The following SORCS1 variants were observed in gnomAD, a reference collection of about 807,000 sequenced individuals.
The protein encoded by SORCS1 is VPS10 domain-containing receptor SorCS1.
SORCS1 carries 60 observed loss-of-function variants against 146.1 expected under a neutral mutation model. The observed-to-expected ratio is 0.41, with a 90% confidence interval of 0.33 to 0.51. SORCS1 has a LOEUF of 0.51. Ranked by LOEUF, SORCS1 falls within the 20% of genes least tolerant of loss-of-function variation. The pLI is 0.21. For synonymous variants in SORCS1, 637 were observed against 584.0 expected (o/e 1.09, Z -1.31); for missense variants, 1,352 against 1,487.6 (o/e 0.91, Z 1.50).
At chr10:106,901,357 T>G (rs1413482254) in intron 2 of SORCS1, among the ~76,000 whole-genome samples, 1 of 152,238 alleles carries the variant, frequency 6.6e-6, no homozygotes, top group African/African-American at 2.4e-5. Context: ...GACAGAAATT[T>G]ATCTACAACA....
chr10:107,002,411 G>A (rs1034448248), intron 1 of SORCS1, among the ~76,000 whole-genome samples: 5 of 152,144 alleles, frequency 3.3e-5, no homozygotes, highest in African/African-American at 1.2e-4. Context: ...GCTCCTACCT[G>A]AGACTAATTT....
Position 106,577,054 on chromosome 10 carries a change from G to T in SORCS1, c.*366C>A, listed in dbSNP as rs576099672. 9.0e-6 allele frequency: 4 copies of T among 446,566 alleles called. No homozygotes were observed. Among genetic ancestry groups the T allele is most frequent in the South Asian group, 8.3e-5 (4 of 48,362 alleles). The allele number at this position is 446,566 out of a possible 1,614,324, so 27.7% of individuals were successfully genotyped here. A position where few individuals can be genotyped will look rare whatever the true frequency, so the allele number is the denominator to read the frequency against. Reference sequence around the variant, plus strand: ...CTGCCCCTCCAGACATGTTCTCAGAGTATTGTCCACATGCACAGGCTTAAA... The same window carrying T: ...CTGCCCCTCCAGACATGTTCTCAGATTATTGTCCACATGCACAGGCTTAAA... On this transcript the variant is annotated 3_prime_UTR_variant, in exon 26 of 26. Transcript: ENST00000263054.
At chr10:106,587,163 A>C (rs1392390100) in intron 24 of SORCS1, among the ~76,000 whole-genome samples, 1 of 152,218 alleles carries the variant, frequency 6.6e-6, no homozygotes, top group Non-Finnish European at 1.5e-5. Flanking sequence ...AAGATAAAAA[A>C]TATATTTATT....
chr10:106,796,521 T>A (rs1403138507), intron 3 of SORCS1, among the ~76,000 whole-genome samples: 1 of 152,216 alleles, frequency 6.6e-6, no homozygotes, highest in African/African-American at 2.4e-5. Context: ...ATGATACTTA[T>A]AAGATTATAT....
At chr10:107,023,945 G>A in intron 1 of SORCS1, among the ~76,000 whole-genome samples, 1 of 152,144 alleles carries the variant, frequency 6.6e-6, no homozygotes, top group South Asian at 2.1e-4. Flanking sequence ...ATAAAGAGAG[G>A]TTCAGGTCAT....
chr10:106,888,366 C>A (rs1287627277), intron 2 of SORCS1, among the ~76,000 whole-genome samples: 2 of 152,046 alleles, frequency 1.3e-5, no homozygotes, highest in African/African-American at 2.4e-5. Flanking sequence ...GTGCCTTTAA[C>A]ATTTTTTTCA....
intron 3 of SORCS1, among the ~76,000 whole-genome samples, chr10:106,822,703 T>TAAGGA (rs948145608): frequency 1.3e-4 from 20 of 151,466 alleles, no homozygotes; most frequent in Admixed American, 7.2e-4. Flanking sequence ...TGTAGGGAAG[T>TAAGGA]AAGGATTTAC....
At chr10:107,110,665 C>G (rs916928012) in intron 1 of SORCS1, among the ~76,000 whole-genome samples, 1 of 141,376 alleles carries the variant, frequency 7.1e-6, no homozygotes, top group Non-Finnish European at 1.5e-5. Flanking sequence ...TACAATTCAA[C>G]GTGAGATTTC....
At chr10:106,671,429 T>G (rs1487644171) in intron 15 of SORCS1, 62 bp from the exon 16 acceptor site, 1 of 1,602,038 alleles carries the variant, frequency 6.2e-7, no homozygotes, top group Non-Finnish European at 8.5e-7. Flanking sequence ...CTGCTCCACA[T>G]GAGTGACATT....
At chr10:106,906,891 G>A (rs1344394053) in intron 2 of SORCS1, among the ~76,000 whole-genome samples, 1 of 152,180 alleles carries the variant, frequency 6.6e-6, no homozygotes, top group Non-Finnish European at 1.5e-5. Context: ...ACTTGGTTGA[G>A]GAAATGTGCC....
intron 1 of SORCS1, among the ~76,000 whole-genome samples, chr10:107,032,986 G>A (rs893489799): frequency 6.6e-6 from 1 of 152,110 alleles, no homozygotes; most frequent in South Asian, 2.1e-4. Flanking sequence ...GACGGCATAT[G>A]TATTTAGTCT....
intron 1 of SORCS1, among the ~76,000 whole-genome samples, chr10:107,156,221 T>C (rs1969271160): frequency 6.6e-6 from 1 of 152,132 alleles, no homozygotes; most frequent in Admixed American, 6.5e-5. Context: ...AAAAATAAAC[T>C]TATACAAAAA....
intron 19 of SORCS1, among the ~76,000 whole-genome samples, chr10:106,623,453 C>G (rs1467031948): frequency 6.6e-6 from 1 of 152,028 alleles, no homozygotes; most frequent in Non-Finnish European, 1.5e-5. Context: ...ACCATGTTGG[C>G]CAGGCTGGTC....
chr10:106,683,775 C>A (rs889828664), intron 10 of SORCS1, among the ~76,000 whole-genome samples: 2 of 152,192 alleles, frequency 1.3e-5, no homozygotes, highest in African/African-American at 2.4e-5. Flanking sequence ...CCCCAACACT[C>A]TCCCTCCCGA....
intron 23 of SORCS1, among the ~76,000 whole-genome samples, chr10:106,599,880 T>G (rs976056464): frequency 6.6e-6 from 1 of 152,034 alleles, no homozygotes; most frequent in African/African-American, 2.4e-5. Context: ...CAAGTGATTC[T>G]CCTGCCTCAA....
chr10:106,607,209 T>A lies in SORCS1; in HGVS notation c.3122A>T (p.Asp1041Val). The A allele has an allele frequency of 6.2e-7, 1 of 1,614,088 alleles. No homozygotes were observed. The highest frequency in any genetic ancestry group is 8.5e-7 in the Non-Finnish European group (1 of 1,179,960). The change falls in exon 23 of 26, where the codon GAT becomes GTT. Residue 1041 changes from aspartate to valine, a missense_variant. By Grantham distance (152) the Asp-to-Val change is radical. This residue lies in a region of SORCS1 where 214 missense variants were observed against 204.8 expected (regional missense o/e 1.05). Coordinates refer to ENST00000263054, the MANE Select transcript of SORCS1 (RefSeq NM_052918.5). ...TGACCTTTTGTTTTCTCCAGCTGGA[T>A]CCTGATAGGGTAGGACAAAGAGTTC... is the stretch of plus-strand genomic sequence containing the variant. Reference protein sequence around the residue: ...TAELFVLPYQDPAGENKRSTD... With the variant: ...TAELFVLPYQVPAGENKRSTD...
At chr10:107,098,088 A>T (rs920460737) in intron 1 of SORCS1, among the ~76,000 whole-genome samples, 2 of 152,226 alleles carry the variant, frequency 1.3e-5, no homozygotes, top group Non-Finnish European at 2.9e-5. Context: ...ACATGTAGAC[A>T]ATCATTAGGT....
intron 8 of SORCS1, among the ~76,000 whole-genome samples, chr10:106,699,760 G>C (rs1294296002): frequency 6.6e-6 from 1 of 152,146 alleles, no homozygotes; most frequent in Non-Finnish European, 1.5e-5. Context: ...ATATGGGGTA[G>C]ATATGAGGAA....
chr10:106,730,236 G>C (rs1401032196), intron 5 of SORCS1, 122 bp from the exon 6 acceptor site: 15 of 777,572 alleles, frequency 1.9e-5, no homozygotes, highest in Non-Finnish European at 2.8e-5. Flanking sequence ...ACAATCCTTA[G>C]AATATATCTA....
Sources: gnomAD v4.1 joint callset for allele counts (sites outside exome capture counted in the v4.1 genomes callset) on GRCh38, gnomAD v4.1.1 for gene constraint, gnomAD v4.1.1 regional missense constraint, MANE v1.5 for transcripts, NCBI Gene and HGNC (gene_info 2026-07-23, HGNC 2026-07-21) for gene names.